The following SPHKAP variants were observed in gnomAD, a reference collection of about 807,000 sequenced individuals.
SPHKAP encodes the protein SPHK1 interactor, AKAP domain containing, also known as A-kinase anchor protein SPHKAP.
SPHKAP carries 67 observed loss-of-function variants against 137.5 expected under a neutral mutation model. The observed-to-expected ratio is 0.49, with a 90% CI of 0.40 to 0.60. The LOEUF (loss-of-function observed/expected upper bound fraction) is 0.60. SPHKAP is among the 20% of genes least tolerant of loss of function. The probability of loss-of-function intolerance (pLI) is 0.00; values close to 1 mark genes in which losing one functional copy is unlikely to be tolerated. For missense variants in SPHKAP, 2,097 were observed against 2,069.3 expected (o/e 1.01, Z -0.26); for synonymous variants, 813 against 785.3 (o/e 1.04, Z -0.59).
intron 1 of SPHKAP, among the ~76,000 whole-genome samples, chr2:228,150,548 A>G (rs1699896277): frequency 6.6e-6 from 1 of 152,066 alleles, no homozygotes; most frequent in South Asian, 2.1e-4. Flanking sequence ...TCTTATTTTT[A>G]TGTATCAACA....
rs944261964 is a variant in SPHKAP at position 228,126,506 on chromosome 2, G to T, written c.138+5474C>A. Among the ~76,000 whole-genome samples, 3 of 152,294 alleles carry T rather than the reference G, an allele frequency of 2.0e-5. No homozygotes were observed. In the East Asian group the frequency reaches 5.8e-4, roughly 29 times the overall value. The stretch of plus-strand genomic sequence containing the variant: ...ATTAAGCAATCACTAAAACCTCAGT[G>T]TGAATTTATCTAACCTTCCTAGCTC... On this transcript the variant is annotated intron_variant, in intron 2 of 11. Coordinates refer to ENST00000392056, the MANE Select transcript of SPHKAP (RefSeq NM_001142644.2).
At chr2:228,022,122 G>GA in intron 5 of SPHKAP, 156 bp from the exon 6 acceptor site, 1 of 982,602 alleles carries the variant, frequency 1.0e-6, no homozygotes, top group Non-Finnish European at 1.2e-6. Context: ...TAAACTGCTT[G>GA]AAAAAAATTC....
intron 1 of SPHKAP, among the ~76,000 whole-genome samples, chr2:228,158,783 G>C (rs1442380319): frequency 6.6e-6 from 1 of 152,074 alleles, no homozygotes; most frequent in Non-Finnish European, 1.5e-5. Flanking sequence ...ACTTATTTCA[G>C]TCTGCTCTGC....
intron 1 of SPHKAP, among the ~76,000 whole-genome samples, chr2:228,148,575 T>G (rs571198589): frequency 6.6e-6 from 1 of 152,018 alleles, no homozygotes; most frequent in Admixed American, 6.6e-5. Flanking sequence ...AGAGGCCTCA[T>G]GGGATGCTGG....
At chr2:228,063,469 A>G (rs1696725417) in intron 3 of SPHKAP, among the ~76,000 whole-genome samples, 1 of 152,226 alleles carries the variant, frequency 6.6e-6, no homozygotes, top group South Asian at 2.1e-4. Flanking sequence ...ATTTACTAAC[A>G]AACTATAGAG....
intron 3 of SPHKAP, among the ~76,000 whole-genome samples, chr2:228,056,343 T>G (rs1263068718): frequency 3.3e-5 from 5 of 152,088 alleles, no homozygotes; most frequent in Non-Finnish European, 7.4e-5. Context: ...CAGAGGAACA[T>G]GTAGAGATAT....
chr2:228,102,003 C>T (rs1254177313), intron 3 of SPHKAP, among the ~76,000 whole-genome samples: 1 of 152,132 alleles, frequency 6.6e-6, no homozygotes, highest in Non-Finnish European at 1.5e-5. Flanking sequence ...TGTACATTAA[C>T]ATTGGGTGTA....
intron 3 of SPHKAP, among the ~76,000 whole-genome samples, chr2:228,099,967 A>G (rs915382697): frequency 6.6e-6 from 1 of 151,732 alleles, no homozygotes; most frequent in Admixed American, 6.6e-5. Context: ...CTCCTGCCTC[A>G]GCCTCCCGAG....
At chr2:228,165,417 G>A (rs10933241) in intron 1 of SPHKAP, among the ~76,000 whole-genome samples, 152,340 of 152,342 alleles carry the variant, frequency 1, 76,169 homozygotes, top group Non-Finnish European at 1. Flanking sequence ...CTGGAACACC[G>A]TTTGGTGCCT....
rs181525960 is a variant in SPHKAP at position 228,031,489 on chromosome 2, T to G, written c.247-3946A>C. Among the ~76,000 whole-genome samples the G allele has an allele frequency of 4.3e-4, 66 of 152,294 alleles. 1 individual carries two copies. In the East Asian group the frequency reaches 0.012, roughly 27 times the overall value. Reference sequence around the variant, plus strand: ...CAGCAGTAACCTCTGCAGACTTAAATGTCCCTGTCTGACAGCTTTGAAGAG... The same window carrying G: ...CAGCAGTAACCTCTGCAGACTTAAAGGTCCCTGTCTGACAGCTTTGAAGAG... On this transcript the variant is annotated intron_variant, in intron 3 of 11. Transcript: ENST00000392056.
intron 1 of SPHKAP, among the ~76,000 whole-genome samples, chr2:228,135,649 TG>T (rs1182288349): frequency 6.6e-6 from 1 of 152,238 alleles, no homozygotes; most frequent in Non-Finnish European, 1.5e-5. Context: ...AGTTTTTTTT[TG>T]CTTGCCTGCA....
intron 1 of SPHKAP, among the ~76,000 whole-genome samples, chr2:228,147,016 A>AT (rs1296026256): frequency 1.3e-5 from 2 of 152,126 alleles, no homozygotes; most frequent in African/African-American, 4.8e-5. Context: ...AGGAAGGGGG[A>AT]TTTTCCAATT....
intron 3 of SPHKAP, among the ~76,000 whole-genome samples, chr2:228,096,916 G>T (rs1405004007): frequency 6.6e-6 from 1 of 152,034 alleles, no homozygotes; most frequent in Non-Finnish European, 1.5e-5. Context: ...CATCCTGGGG[G>T]TGTCACTAGT....
chr2:228,156,460 T>G (rs1399438957), intron 1 of SPHKAP, among the ~76,000 whole-genome samples: 1 of 152,190 alleles, frequency 6.6e-6, no homozygotes, highest in Non-Finnish European at 1.5e-5. Flanking sequence ...CCTTAAACAC[T>G]CAATCAAAAT....
chr2:228,063,277 T>C (rs1227814893), intron 3 of SPHKAP, among the ~76,000 whole-genome samples: 1 of 152,096 alleles, frequency 6.6e-6, no homozygotes, highest in African/African-American at 2.4e-5. Context: ...TAATTAATTA[T>C]ATTTGTTTTT....
intron 3 of SPHKAP, among the ~76,000 whole-genome samples, chr2:228,059,417 T>C (rs1311576400): frequency 2.0e-5 from 3 of 152,218 alleles, no homozygotes; most frequent in Non-Finnish European, 2.9e-5. Flanking sequence ...TCTATAAACA[T>C]TTTCTATATC....
rs1694740625 is a variant in SPHKAP, at chr2:228,019,233, G to T, written c.1621C>A (p.Pro541Thr). ...ATGGAAGGTTCCTTGAGTCCTTGGG[G>T]TGCTTGAGTTTGCAGTGCACCACTG... ...GSSGALQTQAPQGLKEPSINE... is the reference protein window; with the variant it reads ...GSSGALQTQATQGLKEPSINE... The change falls in exon 7 of 12, where the codon CCC (proline) becomes ACC (threonine). Residue 541 changes from proline to threonine, a missense_variant. Coordinates refer to ENST00000392056, the MANE Select transcript of SPHKAP (RefSeq NM_001142644.2). 3 of 1,613,804 alleles carry T rather than the reference G, an allele frequency of 1.9e-6. No homozygotes were observed. The highest frequency in any genetic ancestry group is 4.5e-5 in the East Asian group (2 of 44,896).
intron 7 of SPHKAP, among the ~76,000 whole-genome samples, chr2:227,999,666 T>C (rs1290794059): frequency 1.3e-5 from 2 of 152,234 alleles, no homozygotes; most frequent in African/African-American, 4.8e-5. Context: ...AACTTCATGC[T>C]CTATTTAAAG....
intron 2 of SPHKAP, among the ~76,000 whole-genome samples, chr2:228,126,780 C>CT (rs1449025303): frequency 6.6e-6 from 1 of 152,098 alleles, no homozygotes; most frequent in African/African-American, 2.4e-5. Flanking sequence ...GATGCTATGG[C>CT]TTTTTCAGAG....
Sources: allele counts gnomAD v4.1 joint callset (sites outside exome capture counted in the v4.1 genomes callset), GRCh38; gene constraint gnomAD v4.1.1; transcripts MANE v1.5; gene names NCBI Gene and HGNC (gene_info 2026-07-23, HGNC 2026-07-21).